The following IL1RAPL2 variants were observed in gnomAD, a reference collection of about 807,000 sequenced individuals.
IL1RAPL2 encodes the protein X-linked interleukin-1 receptor accessory protein-like 2.
Under a neutral mutation model 44.1 loss-of-function variants are expected in IL1RAPL2, and 3 were observed. The observed-to-expected ratio is 0.07, with a 90% confidence interval of 0.03 to 0.18. The LOEUF (loss-of-function observed/expected upper bound fraction) is 0.18. IL1RAPL2 is among the 10% of genes least tolerant of loss of function. IL1RAPL2 has a pLI of 1.00. For missense variants in IL1RAPL2, 391 were observed against 496.4 expected, an observed-to-expected ratio of 0.79 and a Z score of 2.02; for synonymous variants, 181 against 178.8, an observed-to-expected ratio of 1.01 and a Z score of -0.10.
Position 105,237,235 on chromosome X carries a change from G to C in IL1RAPL2, c.543+3231G>C, listed in dbSNP as rs5962482. ...TGTATACCCACATTTTCTTAATCCA[G>C]TCTATCATTGTTGGACATTTGGGTT... is the stretch of plus-strand genomic sequence containing the variant. On this transcript the variant is annotated intron_variant, in intron 4 of 10. Coordinates refer to ENST00000372582, the MANE Select transcript of IL1RAPL2 (RefSeq NM_017416.2). Among the ~76,000 whole-genome samples the C allele has an allele frequency of 3.1e-3, 351 of 112,048 alleles. 3 individuals are homozygous for C. Among genetic ancestry groups the C allele is most frequent in the African/African-American group, 0.011 (339 of 30,815 alleles).
intron 2 of IL1RAPL2, among the ~76,000 whole-genome samples, chrX:104,831,454 TAAAG>T (rs1194075258): frequency 9.0e-6 from 1 of 111,492 alleles, no homozygotes; most frequent in Non-Finnish European, 1.9e-5. Context: ...ATTTTACAGA[TAAAG>T]AAACTAAAGC....
At chrX:105,207,538 A>G (rs1556153556) in intron 3 of IL1RAPL2, among the ~76,000 whole-genome samples, 1 of 111,095 alleles carries the variant, frequency 9.0e-6, no homozygotes, top group African/African-American at 3.3e-5. Context: ...AACCTCTCTC[A>G]TTGCTCCTCT....
At chrX:104,909,028 A>T (rs1471036274) in intron 2 of IL1RAPL2, among the ~76,000 whole-genome samples, 6 of 110,391 alleles carry the variant, frequency 5.4e-5, no homozygotes, top group Non-Finnish European at 9.5e-5. Context: ...TATTTCTTGG[A>T]GGCTTTGCTC....
intron 2 of IL1RAPL2, among the ~76,000 whole-genome samples, chrX:104,736,329 A>G (rs1343978131): frequency 3.6e-5 from 4 of 112,162 alleles, no homozygotes; most frequent in Non-Finnish European, 7.5e-5. Context: ...CATATCTCAT[A>G]AGTCTTTTTG....
At chrX:105,667,273 G>A (rs1367429218) in intron 6 of IL1RAPL2, among the ~76,000 whole-genome samples, 2 of 111,883 alleles carry the variant, frequency 1.8e-5, no homozygotes, top group East Asian at 5.7e-4. Flanking sequence ...CAGAGATACC[G>A]TCTAAAACTT....
intron 6 of IL1RAPL2, among the ~76,000 whole-genome samples, chrX:105,685,792 C>A (rs1332744826): frequency 9.0e-6 from 1 of 111,689 alleles, no homozygotes; most frequent in African/African-American, 3.3e-5. Flanking sequence ...GTGTTAAGGG[C>A]AGCCAGAGAG....
At chrX:104,948,588 T>C (rs1392179167) in intron 2 of IL1RAPL2, among the ~76,000 whole-genome samples, 1 of 110,317 alleles carries the variant, frequency 9.1e-6, no homozygotes, top group Non-Finnish European at 1.9e-5. Context: ...TTGAAATACG[T>C]CCCATCAATA....
chrX:105,319,191 A>G (rs971032366), intron 5 of IL1RAPL2, among the ~76,000 whole-genome samples: 2 of 111,768 alleles, frequency 1.8e-5, no homozygotes, highest in African/African-American at 6.5e-5. Flanking sequence ...AACCTGAAAA[A>G]TATTCCAGGT....
intron 6 of IL1RAPL2, among the ~76,000 whole-genome samples, chrX:105,616,620 A>G (rs1325326468): frequency 9.1e-6 from 1 of 110,197 alleles, no homozygotes; most frequent in East Asian, 2.9e-4. Context: ...TCCCATTTTT[A>G]TTGGGTGATT....
intron 2 of IL1RAPL2, among the ~76,000 whole-genome samples, chrX:104,730,362 A>T (rs1255548126): frequency 1.3e-5 from 1 of 78,001 alleles, no homozygotes; most frequent in African/African-American, 4.1e-5. Context: ...TCCTAATGCT[A>T]TCCCTCCCCT....
At chrX:105,064,736 C>T (rs766972579) in intron 2 of IL1RAPL2, among the ~76,000 whole-genome samples, 12 of 111,706 alleles carry the variant, frequency 1.1e-4, no homozygotes, top group Admixed American at 1.9e-4. Flanking sequence ...TCATCATAAA[C>T]GTCTTCATCC....
At chrX:105,105,290 A>T (rs1392122965) in intron 2 of IL1RAPL2, among the ~76,000 whole-genome samples, 1 of 111,639 alleles carries the variant, frequency 9.0e-6, no homozygotes, top group Non-Finnish European at 1.9e-5. Flanking sequence ...GGATCATGTT[A>T]TTGAATCCTC....
intron 2 of IL1RAPL2, among the ~76,000 whole-genome samples, chrX:104,705,153 T>G (rs190223067): frequency 8.9e-6 from 1 of 111,920 alleles, no homozygotes; most frequent in East Asian, 2.8e-4. Context: ...CATTATGCCA[T>G]TTAACTGGCA....
At chrX:104,887,546 G>A (rs1459680572) in intron 2 of IL1RAPL2, among the ~76,000 whole-genome samples, 1 of 111,312 alleles carries the variant, frequency 9.0e-6, no homozygotes, top group East Asian at 2.8e-4. Context: ...TACTCATGAC[G>A]TAAATGGCAT....
intron 2 of IL1RAPL2, among the ~76,000 whole-genome samples, chrX:104,772,133 C>A (rs1021239517): frequency 1.8e-5 from 2 of 111,236 alleles, no homozygotes; most frequent in Non-Finnish European, 3.8e-5. Flanking sequence ...ATTTTATGCA[C>A]GGGTATTCCT....
At position 104,666,505 on chromosome X, in the gene IL1RAPL2, A is replaced by G. The variant is rs1208621296; in HGVS notation, c.82+7510A>G. ...GTTAAAGGATGAGAGAGAAGGAAGA[A>G]TAATTGAGCCTTCTATTAATTTTGA... On this transcript the variant is annotated intron_variant, in intron 2 of 10. Transcript: ENST00000372582. Among the ~76,000 whole-genome samples the G allele has an allele frequency of 4.5e-5, 5 of 112,021 alleles. No individual in the cohort carries two copies. The South Asian group carries it at 1.9e-3, about 42-fold the overall frequency.
intron 2 of IL1RAPL2, among the ~76,000 whole-genome samples, chrX:104,846,631 A>G (rs1336180666): frequency 8.9e-6 from 1 of 111,879 alleles, no homozygotes; most frequent in Non-Finnish European, 1.9e-5. Context: ...AGTCTTTGCT[A>G]TTGTGAATGG....
At chrX:105,756,807 A>T (rs1404340456) in intron 10 of IL1RAPL2, among the ~76,000 whole-genome samples, 1 of 111,501 alleles carries the variant, frequency 9.0e-6, no homozygotes, top group Admixed American at 9.5e-5. Flanking sequence ...TCTCCAAGGA[A>T]CATCCTGGTA....
rs770155037 is a variant in IL1RAPL2 at position 105,056,743 on chromosome X, T to C, written c.83-138732T>C. On this transcript the variant is annotated intron_variant, in intron 2 of 10. Coordinates refer to ENST00000372582, the MANE Select transcript of IL1RAPL2 (RefSeq NM_017416.2). ...TCATATCTAAGGTCTATGTACAATT[T>C]CTTGCTATCTGCCAAAAGTTAAGCA... Among the ~76,000 whole-genome samples, 6 of 112,307 alleles carry C rather than the reference T, an allele frequency of 5.3e-5. No homozygotes were observed. The South Asian group carries it at 1.1e-3, about 21-fold the overall frequency.
Sources: gnomAD v4.1 joint callset for allele counts (sites outside exome capture counted in the v4.1 genomes callset) on GRCh38, gnomAD v4.1.1 for gene constraint, MANE v1.5 for transcripts, NCBI Gene and HGNC (gene_info 2026-07-23, HGNC 2026-07-21) for gene names.